CCDC148: variants seen among roughly 807,000 people sequenced by gnomAD.
The protein encoded by CCDC148 is coiled-coil domain-containing protein 148.
A neutral mutation model predicts 85.7 loss-of-function variants in CCDC148; 89 were observed. The observed-to-expected ratio is 1.04, with a 90% CI of 0.87 to 1.24. The LOEUF (loss-of-function observed/expected upper bound fraction) is 1.24. Ranked by LOEUF, CCDC148 falls within the 50% of genes most tolerant of loss-of-function variation. The pLI, the probability that CCDC148 is intolerant of heterozygous loss-of-function variation, is 0.00. For synonymous variants in CCDC148, 230 were observed against 213.9 expected, an observed-to-expected ratio of 1.08 and a Z score of -0.66; for missense variants, 692 against 671.7, an observed-to-expected ratio of 1.03 and a Z score of -0.33.
rs113605090 is a variant in CCDC148 at position 158,397,222 on chromosome 2, A to G, written c.26-38652T>C. Among the ~76,000 whole-genome samples the G allele has an allele frequency of 4.0e-3, 607 of 152,158 alleles. 2 individuals carry two copies. The highest frequency in any genetic ancestry group is 0.014 in the African/African-American group (581 of 41,552). On this transcript the variant is annotated intron_variant, in intron 1 of 13. Transcript: ENST00000283233. The stretch of plus-strand genomic sequence containing the variant: ...ATGGCATGGGGAGGATAAGACCTCT[A>G]AAGATTTGAAGCTAGACAAGGCAGG...
chr2:158,257,840 G>A (rs1689071871), intron 9 of CCDC148, among the ~76,000 whole-genome samples: 2 of 151,918 alleles, frequency 1.3e-5, no homozygotes, highest in South Asian at 2.1e-4. Flanking sequence ...ACTTCTAGAG[G>A]AAGAAACAAA....
intron 1 of CCDC148, among the ~76,000 whole-genome samples, chr2:158,441,438 T>C (rs1363865294): frequency 6.6e-6 from 1 of 152,210 alleles, no homozygotes; most frequent in African/African-American, 2.4e-5. Flanking sequence ...ATCAGAAATA[T>C]CTAATTAAAA....
At chr2:158,456,213 C>G (rs4141901) in intron 1 of CCDC148, among the ~76,000 whole-genome samples, 4,971 of 152,304 alleles carry the variant, frequency 0.033, 184 homozygotes, top group East Asian at 0.14. Flanking sequence ...AATCCGCCAC[C>G]TCGTTCCCTT....
intron 8 of CCDC148, among the ~76,000 whole-genome samples, chr2:158,313,185 A>G (rs1345623940): frequency 1.3e-5 from 2 of 152,248 alleles, no homozygotes; most frequent in Non-Finnish European, 2.9e-5. Context: ...ACAATAAAAC[A>G]GTAATTTCCC....
intron 1 of CCDC148, among the ~76,000 whole-genome samples, chr2:158,368,353 C>A (rs562139359): frequency 6.6e-6 from 1 of 152,108 alleles, no homozygotes; most frequent in South Asian, 2.1e-4. Flanking sequence ...TTAAAACCAA[C>A]ATTTCCTGGT....
intron 11 of CCDC148, among the ~76,000 whole-genome samples, chr2:158,181,420 C>T (rs1167633756): frequency 2.0e-5 from 3 of 152,088 alleles, no homozygotes; most frequent in African/African-American, 7.2e-5. Context: ...GATACAACGT[C>T]AACATGGGAG....
intron 10 of CCDC148, among the ~76,000 whole-genome samples, chr2:158,249,950 G>A (rs6738927): frequency 0.083 from 12,675 of 152,034 alleles, 613 homozygotes; most frequent in Middle Eastern, 0.13. Flanking sequence ...CAGGTGTATA[G>A]GTTAAAGACA....
chr2:158,367,190 C>T (rs1009208422), intron 1 of CCDC148, among the ~76,000 whole-genome samples: 1 of 152,132 alleles, frequency 6.6e-6, no homozygotes, highest in Non-Finnish European at 1.5e-5. Flanking sequence ...GAAGAGCATT[C>T]CACACCCAAA....
At chr2:158,408,526 T>C (rs1284214286) in intron 1 of CCDC148, among the ~76,000 whole-genome samples, 1 of 152,116 alleles carries the variant, frequency 6.6e-6, no homozygotes, top group African/African-American at 2.4e-5. Flanking sequence ...CATAATATCC[T>C]CCAGTTTCAT....
intron 1 of CCDC148, among the ~76,000 whole-genome samples, chr2:158,418,119 G>C (rs7578648): frequency 0.049 from 7,405 of 150,858 alleles, 319 homozygotes; most frequent in African/African-American, 0.11. Flanking sequence ...TAGTTTTCTG[G>C]AAAGAACATC....
chr2:158,360,559 C>G (rs189463674), intron 1 of CCDC148, among the ~76,000 whole-genome samples: 1 of 152,286 alleles, frequency 6.6e-6, no homozygotes, highest in Admixed American at 6.5e-5. Flanking sequence ...CCAGCAAACT[C>G]TAGCAGACCT....
At position 158,413,264 on chromosome 2, in the gene CCDC148, G is replaced by T. The variant is rs556844253; in HGVS notation, c.25+43151C>A. Among the ~76,000 whole-genome samples, 16 of 150,708 alleles carry T rather than the reference G, an allele frequency of 1.1e-4. No individual in the cohort carries two copies. The South Asian group carries it at 3.4e-3, about 32-fold the overall frequency. On this transcript the variant is annotated intron_variant, in intron 1 of 13. Coordinates refer to ENST00000283233, the MANE Select transcript of CCDC148 (RefSeq NM_138803.4). ...AACATATTATCCCATTAAACTAACA[G>T]TTTTTTTTTCACAAAAGGAATGTTT...
chr2:158,182,247 GAA>G (rs1407776560), intron 11 of CCDC148, among the ~76,000 whole-genome samples: 1 of 152,054 alleles, frequency 6.6e-6, no homozygotes, highest in Non-Finnish European at 1.5e-5. Flanking sequence ...CCACCATCTA[GAA>G]AAAGAGTGTA....
At chr2:158,285,814 G>A (rs1265374741) in intron 9 of CCDC148, among the ~76,000 whole-genome samples, 2 of 152,044 alleles carry the variant, frequency 1.3e-5, no homozygotes, top group African/African-American at 4.8e-5. Context: ...GGGATTACAG[G>A]AGTGAGCCAC....
chr2:158,293,620 G>T (rs929203340), intron 9 of CCDC148, among the ~76,000 whole-genome samples: 3 of 152,074 alleles, frequency 2.0e-5, no homozygotes, highest in Non-Finnish European at 4.4e-5. Flanking sequence ...CCCTCCAGGA[G>T]AACTATGCTG....
chr2:158,297,022 G>T (rs1171536927), intron 9 of CCDC148, among the ~76,000 whole-genome samples: 1 of 152,126 alleles, frequency 6.6e-6, no homozygotes, highest in Non-Finnish European at 1.5e-5. Flanking sequence ...GCTCCCAACT[G>T]CCGTGACTAT....
At chr2:158,328,541 G>T (rs962106248) in intron 7 of CCDC148, among the ~76,000 whole-genome samples, 3 of 152,100 alleles carry the variant, frequency 2.0e-5, no homozygotes, top group African/African-American at 7.2e-5. Context: ...TAATGGGATG[G>T]CTGGGTCAAA....
intron 10 of CCDC148, among the ~76,000 whole-genome samples, chr2:158,243,170 T>A (rs906231377): frequency 1.3e-5 from 2 of 152,050 alleles, no homozygotes; most frequent in Non-Finnish European, 2.9e-5. Flanking sequence ...GAGGTGGGTT[T>A]GTTCAATGAT....
chr2:158,228,314 G>A (rs1328969853), intron 10 of CCDC148, among the ~76,000 whole-genome samples: 1 of 152,190 alleles, frequency 6.6e-6, no homozygotes, highest in Non-Finnish European at 1.5e-5. Context: ...AACAACAAGT[G>A]CTGGAGAGGA....
Sources: allele counts gnomAD v4.1 joint callset (sites outside exome capture counted in the v4.1 genomes callset), GRCh38; gene constraint gnomAD v4.1.1; transcripts MANE v1.5; gene names NCBI Gene and HGNC (gene_info 2026-07-23, HGNC 2026-07-21).